Variants in DSCAM observed in about 807,000 individuals in gnomAD.
The protein encoded by DSCAM is cell adhesion molecule DSCAM.
DSCAM carries 47 observed loss-of-function variants against 217.7 expected under a neutral mutation model. That is an observed-to-expected ratio of 0.22 (90% CI 0.17 to 0.28). The LOEUF is 0.28. Among genes scored for constraint, DSCAM ranks in the 10% least tolerant of loss-of-function variants. The probability of loss-of-function intolerance (pLI) is 1.00; values close to 1 mark genes in which losing one functional copy is unlikely to be tolerated. For synonymous variants in DSCAM, 1,056 were observed against 1,015.3 expected (o/e 1.04, Z -0.76); for missense variants, 2,080 against 2,618.3 (o/e 0.79, Z 4.49).
intron 1 of DSCAM, among the ~76,000 whole-genome samples, chr21:40,753,314 G>T (rs1194749605): frequency 2.6e-5 from 4 of 152,064 alleles, no homozygotes; most frequent in African/African-American, 9.7e-5. Flanking sequence ...GACACAAAAT[G>T]GAAATCCTTA....
At chr21:40,326,118 A>G (rs1321720786) in intron 8 of DSCAM, among the ~76,000 whole-genome samples, 1 of 152,228 alleles carries the variant, frequency 6.6e-6, no homozygotes, top group Non-Finnish European at 1.5e-5. Flanking sequence ...ACAGGGACAA[A>G]CGATACCAGA....
At chr21:40,713,698 T>C (rs1256961875) in intron 1 of DSCAM, among the ~76,000 whole-genome samples, 1 of 152,190 alleles carries the variant, frequency 6.6e-6, no homozygotes, top group Non-Finnish European at 1.5e-5. Flanking sequence ...AGATTTGGTA[T>C]GGTGGAATGA....
chr21:40,208,362 G>C (rs917441838), intron 11 of DSCAM, among the ~76,000 whole-genome samples: 1 of 152,208 alleles, frequency 6.6e-6, no homozygotes, highest in Non-Finnish European at 1.5e-5. Context: ...GCTGAGGCAT[G>C]AGAATAGCTC....
At chr21:40,505,962 T>C (rs1052080366) in intron 3 of DSCAM, among the ~76,000 whole-genome samples, 5 of 152,140 alleles carry the variant, frequency 3.3e-5, no homozygotes, top group African/African-American at 1.2e-4. Context: ...TTCAAGAAAA[T>C]GTTCAAAATG....
At chr21:40,270,747 G>A (rs1470805256) in intron 11 of DSCAM, among the ~76,000 whole-genome samples, 1 of 152,104 alleles carries the variant, frequency 6.6e-6, no homozygotes, top group East Asian at 1.9e-4. Flanking sequence ...TCACCATGGG[G>A]GGCAGCTTGG....
At chr21:40,573,820 A>C (rs964700614) in intron 3 of DSCAM, among the ~76,000 whole-genome samples, 1 of 152,156 alleles carries the variant, frequency 6.6e-6, no homozygotes, top group African/African-American at 2.4e-5. Context: ...CAGGTTCTAC[A>C]GATATTAAAA....
chr21:40,363,641 A>G (rs2123682599), intron 4 of DSCAM, among the ~76,000 whole-genome samples: 1 of 152,274 alleles, frequency 6.6e-6, no homozygotes, highest in South Asian at 2.1e-4. Context: ...TGTCTAAAAC[A>G]CCAAAAGCAA....
intron 32 of DSCAM, among the ~76,000 whole-genome samples, chr21:40,033,600 GGGGGCCCCCCATTGCCCAGGCTT>G (rs1419102469): frequency 1.3e-5 from 2 of 151,704 alleles, no homozygotes; most frequent in Non-Finnish European, 2.9e-5. Context: ...GCTGGGGGAG[GGGGGCCCCCCATTGCCCAGGCTT>G]GCTTAGATAA....
rs112733525 is a variant in DSCAM, at chr21:40,627,408, T to C, written c.508+65402A>G. 4.5e-3 allele frequency among the ~76,000 whole-genome samples: 682 copies of C among 152,286 alleles called. 6 individuals are homozygous for C. Among genetic ancestry groups the C allele is most frequent in the African/African-American group, 0.015 (639 of 41,558 alleles). On this transcript the variant is annotated intron_variant, in intron 3 of 32. Transcript: ENST00000400454. ...ACTCCTTCCACCCCCACTATATGAG[T>C]AAATATGTTGTGGAAAGCCTTAACA...
intron 16 of DSCAM, among the ~76,000 whole-genome samples, chr21:40,166,897 G>A (rs1233021765): frequency 6.6e-6 from 1 of 151,726 alleles, no homozygotes; most frequent in East Asian, 1.9e-4. Flanking sequence ...AAACATTTTT[G>A]CTGGGATGAA....
At chr21:40,342,170 C>T (rs2074499577) in intron 6 of DSCAM, among the ~76,000 whole-genome samples, 1 of 151,860 alleles carries the variant, frequency 6.6e-6, no homozygotes, top group South Asian at 2.1e-4. Flanking sequence ...TTGTGGAATA[C>T]AACAATTGAA....
chr21:40,733,318 G>A (rs1041359302), intron 1 of DSCAM, among the ~76,000 whole-genome samples: 7 of 152,154 alleles, frequency 4.6e-5, no homozygotes, highest in Non-Finnish European at 8.8e-5. Context: ...TTTCTTTTGC[G>A]GTTTCAATTC....
chr21:40,275,311 C>T (rs1226894764), intron 11 of DSCAM, among the ~76,000 whole-genome samples: 2 of 151,966 alleles, frequency 1.3e-5, no homozygotes, highest in African/African-American at 2.4e-5. Context: ...GCCTGGGCAA[C>T]AGAGTGAGCC....
chr21:40,733,110 G>A (rs2091029226), intron 1 of DSCAM, among the ~76,000 whole-genome samples: 1 of 152,234 alleles, frequency 6.6e-6, no homozygotes, highest in Non-Finnish European at 1.5e-5. Flanking sequence ...GGCACTGGGA[G>A]GGTGCAGACA....
At chr21:40,346,925 G>C (rs1417754888) in intron 6 of DSCAM, among the ~76,000 whole-genome samples, 3 of 152,128 alleles carry the variant, frequency 2.0e-5, no homozygotes, top group African/African-American at 7.2e-5. Context: ...GCAATGTCTG[G>C]AGACATTTTT....
intron 3 of DSCAM, among the ~76,000 whole-genome samples, chr21:40,606,323 C>T (rs1452288614): frequency 6.6e-6 from 1 of 152,138 alleles, no homozygotes; most frequent in East Asian, 1.9e-4. Flanking sequence ...GCACCAAAGC[C>T]ACTGCTGGAG....
intron 1 of DSCAM, among the ~76,000 whole-genome samples, chr21:40,769,941 A>G (rs2091430083): frequency 6.6e-6 from 1 of 152,202 alleles, no homozygotes; most frequent in Non-Finnish European, 1.5e-5. Flanking sequence ...CTACCTGGCT[A>G]TAAACTCCCA....
chr21:40,334,810 G>T lies in DSCAM; in HGVS notation c.1783+3291C>A, dbSNP rs1193929619. On this transcript the variant is annotated intron_variant, in intron 8 of 32. Coordinates refer to ENST00000400454, the MANE Select transcript of DSCAM (RefSeq NM_001389.5). ...CTACGGGCTCGTCCCACCTTGCCTGGCTAAAAGCATCCTTTTAAAACCTTA... is the reference window on the plus strand; with the variant it reads ...CTACGGGCTCGTCCCACCTTGCCTGTCTAAAAGCATCCTTTTAAAACCTTA... 2.0e-5 allele frequency among the ~76,000 whole-genome samples: 3 copies of T among 152,018 alleles called. No homozygotes were observed. The East Asian group carries it at 5.8e-4, about 29-fold the overall frequency.
At chr21:40,646,016 G>A (rs1177815977) in intron 3 of DSCAM, among the ~76,000 whole-genome samples, 1 of 152,140 alleles carries the variant, frequency 6.6e-6, no homozygotes, top group Non-Finnish European at 1.5e-5. Context: ...CTTGGAGGCG[G>A]TGGAGGAGAT....
Sources: allele counts gnomAD v4.1 joint callset (sites outside exome capture counted in the v4.1 genomes callset), GRCh38; gene constraint gnomAD v4.1.1; transcripts MANE v1.5; gene names NCBI Gene and HGNC (gene_info 2026-07-23, HGNC 2026-07-21).